The following DGKH variants were observed in gnomAD, a reference collection of about 807,000 sequenced individuals.
DGKH encodes DAG kinase eta.
DGKH carries 90 observed loss-of-function variants against 159.3 expected under a neutral mutation model. The observed-to-expected ratio is 0.57, with a 90% CI of 0.48 to 0.67. The LOEUF (loss-of-function observed/expected upper bound fraction) is 0.67. Among genes scored for constraint, DGKH ranks in the 30% least tolerant of loss-of-function variants. The pLI is 0.00. For missense variants in DGKH, 1,181 were observed against 1,506.1 expected, an observed-to-expected ratio of 0.78 and a Z score of 3.57; for synonymous variants, 536 against 553.8, an observed-to-expected ratio of 0.97 and a Z score of 0.45.
intron 1 of DGKH, among the ~76,000 whole-genome samples, chr13:42,118,003 G>A (rs1393579157): frequency 1.3e-5 from 2 of 152,220 alleles, no homozygotes; most frequent in South Asian, 2.1e-4. Context: ...GGATCACGAG[G>A]TCAGGAGATG....
At chr13:42,206,012 CTTTTTT>C in intron 20 of DGKH, 21 bp from the exon 21 acceptor site, 29 of 1,130,910 alleles carry the variant, frequency 2.6e-5, no homozygotes, top group South Asian at 1.7e-4. Flanking sequence ...CTAATCTCTA[CTTTTTT>C]TTTTTTTTTT....
chr13:42,105,015 A>C (rs1249903468), intron 1 of DGKH, among the ~76,000 whole-genome samples: 1 of 91,462 alleles, frequency 1.1e-5, no homozygotes, highest in African/African-American at 3.5e-5. Flanking sequence ...GTTTATGTAC[A>C]TACATATGTA....
At chr13:42,138,133 G>A in intron 3 of DGKH, 1 of 985,252 alleles carries the variant, frequency 1.0e-6, no homozygotes, top group Non-Finnish European at 1.2e-6. Flanking sequence ...TTTAGGTGCT[G>A]AAATGAATTT....
At chr13:42,206,236 T>G (rs1957470799) in intron 21 of DGKH, 90 bp downstream of exon 21, 1 of 710,782 alleles carries the variant, frequency 1.4e-6, no homozygotes, top group Admixed American at 3.6e-5. Context: ...TGAATAGTAG[T>G]TTAATTTCAT....
intron 1 of DGKH, among the ~76,000 whole-genome samples, chr13:42,051,451 A>G (rs1881292577): frequency 6.6e-6 from 1 of 152,122 alleles, no homozygotes; most frequent in Non-Finnish European, 1.5e-5. Context: ...TGGGGAAGAA[A>G]GTGAGAGCAA....
chr13:42,063,552 C>T (rs544241104), intron 1 of DGKH, among the ~76,000 whole-genome samples: 195 of 152,168 alleles, frequency 1.3e-3, no homozygotes, highest in African/African-American at 4.4e-3. Context: ...ACCCTTTAAA[C>T]GAGAGGAGGG....
upstream of DGKH, among the ~76,000 whole-genome samples, chr13:42,047,480 T>A (rs1383261622): frequency 6.6e-6 from 1 of 152,248 alleles, no homozygotes; most frequent in Non-Finnish European, 1.5e-5. Flanking sequence ...AGGGACTTTT[T>A]GTCCTATTTA....
chr13:42,103,535 A>G lies in DGKH; in HGVS notation c.193-23928A>G, dbSNP rs144882660. 5.3e-5 allele frequency among the ~76,000 whole-genome samples: 8 copies of G among 152,226 alleles called. No homozygotes were observed. In the East Asian group the frequency reaches 1.5e-3, roughly 29 times the overall value. ...GCTCTCCCGCATGAGTGCTATCCTT[A>G]GCAAAGTGCCTGAATCAATTCCAGG... On this transcript the variant is annotated intron_variant, in intron 1 of 29. Transcript: ENST00000337343.
At chr13:42,205,089 A>G (rs946180893) in intron 20 of DGKH, among the ~76,000 whole-genome samples, 2 of 152,216 alleles carry the variant, frequency 1.3e-5, no homozygotes, top group African/African-American at 4.8e-5. Flanking sequence ...ATGAAAATAT[A>G]GCATCCATTT....
intron 26 of DGKH, among the ~76,000 whole-genome samples, 161 bp from the exon 27 acceptor site, chr13:42,219,069 C>A (rs1957892046): frequency 6.6e-6 from 1 of 152,032 alleles, no homozygotes; most frequent in African/African-American, 2.4e-5. Context: ...AAAATGAAAT[C>A]AATATAAAAG....
intron 1 of DGKH, among the ~76,000 whole-genome samples, chr13:42,042,626 C>T (rs1234960308): frequency 1.3e-5 from 2 of 152,120 alleles, no homozygotes; most frequent in Non-Finnish European, 2.9e-5. Flanking sequence ...TATTATGTTC[C>T]GGGACTGTTG....
chr13:42,062,191 A>C (rs1010446970), intron 1 of DGKH, among the ~76,000 whole-genome samples: 3 of 152,230 alleles, frequency 2.0e-5, no homozygotes. Context: ...CTGTACAGTC[A>C]TGCAAACTCT....
intron 1 of DGKH, among the ~76,000 whole-genome samples, chr13:42,114,522 G>T (rs1215919249): frequency 1.3e-5 from 2 of 152,164 alleles, no homozygotes; most frequent in Non-Finnish European, 2.9e-5. Flanking sequence ...GAGCATGCAG[G>T]CTACTCAGGG....
rs187739479 is a variant in DGKH, at chr13:42,073,019, C to T, written c.192+24054C>T. On this transcript the variant is annotated intron_variant, in intron 1 of 29. Transcript: ENST00000337343. ...GATATTTGTCTATTTTTTTCCCTGC[C>T]CTGTCTCCTGTGCCCAGAACACTGC... Among the ~76,000 whole-genome samples, 20 of 152,206 alleles carry T rather than the reference C, an allele frequency of 1.3e-4. No homozygotes were observed. In the East Asian group the frequency reaches 3.7e-3, roughly 28 times the overall value.
chr13:42,090,413 A>T (rs1954393993), intron 1 of DGKH, among the ~76,000 whole-genome samples: 3 of 152,188 alleles, frequency 2.0e-5, no homozygotes, highest in African/African-American at 7.2e-5. Flanking sequence ...TCTAAATTTC[A>T]TGTAGAATCT....
chr13:42,118,938 T>G (rs1955013754), intron 1 of DGKH, among the ~76,000 whole-genome samples: 1 of 152,190 alleles, frequency 6.6e-6, no homozygotes. Flanking sequence ...TTTTAGAACA[T>G]AAATAGACCA....
At chr13:42,142,211 T>G (rs959580597) in intron 3 of DGKH, among the ~76,000 whole-genome samples, 1 of 152,228 alleles carries the variant, frequency 6.6e-6, no homozygotes, top group Non-Finnish European at 1.5e-5. Flanking sequence ...GTTGTAGATA[T>G]GTGGCATTAT....
At chr13:42,255,289 T>A (rs1313171247) in intron 30 of DGKH, among the ~76,000 whole-genome samples, 1 of 152,118 alleles carries the variant, frequency 6.6e-6, no homozygotes, top group African/African-American at 2.4e-5. Context: ...AGATTTTTTT[T>A]AATTGAATAA....
intron 1 of DGKH, among the ~76,000 whole-genome samples, chr13:42,061,830 G>T (rs1396267202): frequency 6.6e-6 from 1 of 152,140 alleles, no homozygotes; most frequent in Non-Finnish European, 1.5e-5. Context: ...GATGGTAAAA[G>T]AACATAAAAG....
Sources: gnomAD v4.1 joint callset for allele counts (sites outside exome capture counted in the v4.1 genomes callset) on GRCh38, gnomAD v4.1.1 for gene constraint, MANE v1.5 for transcripts, NCBI Gene and HGNC (gene_info 2026-07-23, HGNC 2026-07-21) for gene names.